BHMT2: variants seen among roughly 807,000 people sequenced by gnomAD.
BHMT2 encodes the protein S-methylmethionine--homocysteine S-methyltransferase BHMT2.
BHMT2 carries 28 observed loss-of-function variants against 39.0 expected under a neutral mutation model. The ratio of observed to expected loss-of-function variants is 0.72; its 90% CI spans 0.53 to 0.98. The LOEUF (loss-of-function observed/expected upper bound fraction) is 0.98, where lower values mean the gene tolerates loss of function less well. Ranked by LOEUF, BHMT2 falls within the 50% of genes least tolerant of loss-of-function variation. BHMT2 has a pLI of 0.00. For synonymous variants in BHMT2, 145 were observed against 160.6 expected, an observed-to-expected ratio of 0.90 and a Z score of 0.74; for missense variants, 410 against 455.6, an observed-to-expected ratio of 0.90 and a Z score of 0.91.
chr5:79,075,556 C>T (rs767194077), intron 1 of BHMT2, among the ~76,000 whole-genome samples: 3 of 152,130 alleles, frequency 2.0e-5, no homozygotes, highest in Non-Finnish European at 2.9e-5. Context: ...TATGGGCAGG[C>T]CTGAAATGAA....
At position 79,083,135 on chromosome 5, in the gene BHMT2, T is replaced by TA. The variant is rs58483655; in HGVS notation, c.599-48dup. 153 of 1,567,456 alleles carry TA rather than the reference T, an allele frequency of 9.8e-5. 1 individual carries two copies. The highest frequency in any genetic ancestry group is 1.8e-4 in the South Asian group (16 of 86,574). Reference sequence around the variant, plus strand: ...AACCTCTAAGGTACCTTCCAACTATTAAAAAAAAAGAATAAACAAATAAAT... The same window carrying TA: ...AACCTCTAAGGTACCTTCCAACTATTAAAAAAAAAAGAATAAACAAATAAAT... On this transcript the variant is annotated intron_variant, in intron 5 of 7. Coordinates refer to ENST00000255192, the MANE Select transcript of BHMT2 (RefSeq NM_017614.5).
rs894589310 is a variant in BHMT2 at position 79,083,736 on chromosome 5, A to G, written c.890A>G (p.His297Arg). 6.2e-7 allele frequency: 1 copy of G among 1,613,868 alleles called. No homozygotes were observed. Among genetic ancestry groups the G allele is most frequent in the African/African-American group, 1.3e-5 (1 of 74,868 alleles). Reference sequence around the variant, plus strand: ...GGGTGCTGTGGATTTGAGCCCTACCACATCAGGGCAATTGCAGAGGAGCTG... The same window carrying G: ...GGGTGCTGTGGATTTGAGCCCTACCGCATCAGGGCAATTGCAGAGGAGCTG... ...IGGCCGFEPY[H>R]IRAIAEELAP... The change falls in exon 7 of 8, where the codon CAC becomes CGC. Residue 297 changes from histidine (H) to arginine (R), a missense_variant. Transcript: ENST00000255192.
Position 79,089,693 on chromosome 5 carries a change from G to T in BHMT2, c.*1119G>T, listed in dbSNP as rs1261936193. On this transcript the variant is annotated 3_prime_UTR_variant, in exon 8 of 8. Coordinates refer to ENST00000255192, the MANE Select transcript of BHMT2 (RefSeq NM_017614.5). The stretch of plus-strand genomic sequence containing the variant: ...TCAAAAGTCAGAGTTTAGGCCAGGG[G>T]CACAGGCTGACACCTATAATCCCAG... Among the ~76,000 whole-genome samples the T allele has an allele frequency of 1.3e-5, 2 of 152,154 alleles. No homozygotes were observed. The highest frequency in any genetic ancestry group is 2.9e-5 in the Non-Finnish European group (2 of 68,020).
chr5:79,078,325 C>T (rs1755718732), intron 2 of BHMT2, among the ~76,000 whole-genome samples: 1 of 151,146 alleles, frequency 6.6e-6, no homozygotes, highest in Non-Finnish European at 1.5e-5. Context: ...AGATAGTTAC[C>T]TGAAATGAAA....
At chr5:79,070,608 G>T (rs1755546863) in intron 1 of BHMT2, among the ~76,000 whole-genome samples, 1 of 152,156 alleles carries the variant, frequency 6.6e-6, no homozygotes, top group Non-Finnish European at 1.5e-5. Flanking sequence ...ATTCAGAATG[G>T]GAGGAAGGGA....
intron 1 of BHMT2, among the ~76,000 whole-genome samples, chr5:79,071,872 T>C (rs1363824671): frequency 2.7e-5 from 4 of 146,508 alleles, no homozygotes; most frequent in Non-Finnish European, 6.0e-5. Context: ...ACTGGTATAG[T>C]AATTAATTGA....
chr5:79,077,651 T>C lies in BHMT2; in HGVS notation c.166+39T>C, dbSNP rs367945181. The C allele has an allele frequency of 2.0e-4, 316 of 1,573,638 alleles. No homozygotes were observed. The South Asian group carries it at 3.4e-3, about 17-fold the overall frequency. On this transcript the variant is annotated intron_variant, in intron 2 of 7. Transcript: ENST00000255192. ...TCCCCAAGAGTGTCTACCTGAGTGGTATTTTATTTAAATCTGATTGAGAGA... is the reference window on the plus strand; with the variant it reads ...TCCCCAAGAGTGTCTACCTGAGTGGCATTTTATTTAAATCTGATTGAGAGA...
chr5:79,075,893 A>G (rs1038535751), intron 1 of BHMT2, among the ~76,000 whole-genome samples: 11 of 152,160 alleles, frequency 7.2e-5, no homozygotes, highest in African/African-American at 2.7e-4. Context: ...GGCAGCATCT[A>G]GGGGTGAATG....
Position 79,088,358 on chromosome 5 carries a change from C to CTGTGTGTGTG in BHMT2, c.1011-104_1011-95dup, listed in dbSNP as rs202040828. The CTGTGTGTGTG allele has an allele frequency of 3.9e-3, 1,181 of 304,584 alleles. 7 individuals carry two copies. The highest frequency in any genetic ancestry group is 0.013 in the African/African-American group (544 of 42,646). The allele number at this position is 304,584 out of a possible 1,614,324, so 18.9% of individuals were successfully genotyped here. A position where few individuals can be genotyped will look rare whatever the true frequency, so the allele number is the denominator to read the frequency against. ...AGCCTGATTATCCACCAAGTTTTGA[C>CTGTGTGTGTG]TGTGTGTGTGTGTGTGTGTGTGTGT... On this transcript the variant is annotated intron_variant, in intron 7 of 7. Transcript: ENST00000255192.
intron 4 of BHMT2, 107 bp downstream of exon 4, chr5:79,080,985 C>T: frequency 9.4e-7 from 1 of 1,059,466 alleles, no homozygotes; most frequent in Non-Finnish European, 1.3e-6. Context: ...TCATTTCTTC[C>T]ATGTGGATGG....
chr5:79,083,551 G>A, intron 6 of BHMT2, 77 bp from the exon 7 acceptor site: 1 of 1,543,472 alleles, frequency 6.5e-7, no homozygotes, highest in Admixed American at 2.1e-5. Flanking sequence ...TTTTTAATTG[G>A]AAAAACTGCT....
intron 3 of BHMT2, among the ~76,000 whole-genome samples, chr5:79,079,778 C>A (rs754090637): frequency 5.9e-5 from 9 of 152,214 alleles, no homozygotes; most frequent in African/African-American, 2.2e-4. Context: ...CGCCAGTAAT[C>A]CCAGCTACGC....
chr5:79,073,189 C>G (rs1219851909), intron 1 of BHMT2, among the ~76,000 whole-genome samples: 2 of 152,110 alleles, frequency 1.3e-5, no homozygotes, highest in African/African-American at 2.4e-5. Flanking sequence ...GTCTCAAACT[C>G]CTGACCTCAA....
intron 1 of BHMT2, among the ~76,000 whole-genome samples, chr5:79,070,099 G>T (rs1755528709): frequency 6.6e-6 from 1 of 152,186 alleles, no homozygotes; most frequent in Non-Finnish European, 1.5e-5. Flanking sequence ...CGAGTCAGGC[G>T]ACTAGCTCAG....
chr5:79,084,160 T>C (rs572080467), intron 7 of BHMT2, among the ~76,000 whole-genome samples: 3 of 152,304 alleles, frequency 2.0e-5, no homozygotes, highest in South Asian at 4.1e-4. Context: ...TTAGAGATGA[T>C]AAAGGCCATC....
intron 3 of BHMT2, among the ~76,000 whole-genome samples, chr5:79,080,198 C>T (rs1755758327): frequency 6.6e-6 from 1 of 152,234 alleles, no homozygotes; most frequent in South Asian, 2.1e-4. Context: ...CTGCATTGAG[C>T]ATTGGTTTTC....
chr5:79,072,559 A>G (rs1037035050), intron 1 of BHMT2, among the ~76,000 whole-genome samples: 1 of 152,326 alleles, frequency 6.6e-6, no homozygotes, highest in African/African-American at 2.4e-5. Flanking sequence ...TAGTTGTTAT[A>G]TGTGGTGGTA....
Position 79,088,492 on chromosome 5 carries a change from G to A in BHMT2, c.1011-1G>A. 6.2e-7 allele frequency: 1 copy of A among 1,613,030 alleles called. No homozygotes were observed. The highest frequency in any genetic ancestry group is 8.5e-7 in the Non-Finnish European group (1 of 1,179,418). ...TTAATTATGTATATATTGAAACACA[G>A]GGCTCGAAGGGAGTATTGGGAGAAT... is the stretch of plus-strand genomic sequence containing the variant. On this transcript the variant is annotated splice_acceptor_variant, in intron 7 of 7. Coordinates refer to ENST00000255192, the MANE Select transcript of BHMT2 (RefSeq NM_017614.5). LOFTEE classifies it high-confidence loss of function.
chr5:79,081,908 A>C (rs988156790), intron 4 of BHMT2, among the ~76,000 whole-genome samples: 1 of 151,864 alleles, frequency 6.6e-6, no homozygotes, highest in Non-Finnish European at 1.5e-5. Context: ...CCCCCTAGTG[A>C]CCCCACTGAA....
Sources: gnomAD v4.1 joint callset for allele counts (sites outside exome capture counted in the v4.1 genomes callset) on GRCh38, gnomAD v4.1.1 for gene constraint, MANE v1.5 for transcripts, NCBI Gene and HGNC (gene_info 2026-07-23, HGNC 2026-07-21) for gene names.